The following MYOF variants were observed in gnomAD, a reference collection of about 807,000 sequenced individuals.
MYOF encodes the protein myoferlin, also known as fer-1-like 3, myoferlin.
MYOF carries 244 observed loss-of-function variants against 284.2 expected under a neutral mutation model. The ratio of observed to expected loss-of-function variants is 0.86; its 90% CI spans 0.77 to 0.95. The LOEUF (loss-of-function observed/expected upper bound fraction) is 0.95. Ranked by LOEUF, MYOF falls within the 40% of genes least tolerant of loss-of-function variation. The probability of loss-of-function intolerance (pLI) is 0.00; values close to 1 mark genes in which losing one functional copy is unlikely to be tolerated. For synonymous variants in MYOF, 904 were observed against 919.7 expected (o/e 0.98, Z 0.31); for missense variants, 2,496 against 2,560.6 (o/e 0.97, Z 0.54).
Position 93,314,385 on chromosome 10 carries a change from G to A in MYOF, c.5699-1175C>T, listed in dbSNP as rs531523434. On this transcript the variant is annotated intron_variant, in intron 50 of 53. Coordinates refer to ENST00000359263, the MANE Select transcript of MYOF (RefSeq NM_013451.4). Reference sequence around the variant, plus strand: ...ATTACAGGCATGACCCACTGTGCCCGGCCACATTAACTCTTTAGTACCACT... The same window carrying A: ...ATTACAGGCATGACCCACTGTGCCCAGCCACATTAACTCTTTAGTACCACT... Among the ~76,000 whole-genome samples, 255 of 152,230 alleles carry A rather than the reference G, an allele frequency of 1.7e-3. 2 individuals carry two copies. Among genetic ancestry groups the A allele is most frequent in the Admixed American group, 6.3e-3 (97 of 15,286 alleles).
At chr10:93,468,143 C>T (rs2057054465) in intron 1 of MYOF, among the ~76,000 whole-genome samples, 2 of 152,198 alleles carry the variant, frequency 1.3e-5, no homozygotes, top group African/African-American at 4.8e-5. Flanking sequence ...GGATTACCTG[C>T]TAGTAAGAAA....
chr10:93,438,550 G>A (rs949316032), intron 3 of MYOF, among the ~76,000 whole-genome samples: 2 of 152,110 alleles, frequency 1.3e-5, no homozygotes, highest in Non-Finnish European at 2.9e-5. Context: ...TCACCAGGGC[G>A]TCTGCAGATT....
At chr10:93,460,767 CAA>C (rs757591863) in intron 1 of MYOF, among the ~76,000 whole-genome samples, 3 of 25,288 alleles carry the variant, frequency 1.2e-4, no homozygotes, top group Non-Finnish European at 1.9e-4. Flanking sequence ...ACCCCATCTC[CAA>C]AAAAAAAAAA....
chr10:93,425,791 C>G (rs1323916307), intron 5 of MYOF: 8 of 473,862 alleles, frequency 1.7e-5, no homozygotes, highest in Non-Finnish European at 3.1e-5. Flanking sequence ...TGAAGCAAAG[C>G]CCTGGGACAT....
At chr10:93,401,325 T>C (rs1207256139) in intron 12 of MYOF, 93 bp downstream of exon 12, 3 of 1,508,468 alleles carry the variant, frequency 2.0e-6, no homozygotes, top group East Asian at 4.6e-5. Context: ...AAACATACGA[T>C]AGGGACACGA....
intron 12 of MYOF, among the ~76,000 whole-genome samples, chr10:93,399,836 C>T (rs1847190394): frequency 6.6e-6 from 1 of 151,878 alleles, no homozygotes; most frequent in African/African-American, 2.4e-5. Context: ...CACACCACTG[C>T]AGTCCAGCCT....
At chr10:93,309,997 A>G (rs969745476) in intron 53 of MYOF, 23 bp downstream of exon 53, 1 of 1,613,546 alleles carries the variant, frequency 6.2e-7, no homozygotes, top group Non-Finnish European at 8.5e-7. Context: ...AGCCAAGACA[A>G]GGGGCCAAGG....
chr10:93,333,713 G>A, intron 42 of MYOF, 45 bp downstream of exon 42: 2 of 1,601,832 alleles, frequency 1.2e-6, no homozygotes, highest in Non-Finnish European at 8.5e-7. Flanking sequence ...GCTGATGACT[G>A]TAATTATCTT....
chr10:93,466,189 C>T (rs1443918446), intron 1 of MYOF, among the ~76,000 whole-genome samples: 2 of 152,178 alleles, frequency 1.3e-5, no homozygotes, highest in East Asian at 3.9e-4. Flanking sequence ...GGACCCCTCT[C>T]CAGGAGTGTC....
rs1264542823 is a variant in MYOF, at chr10:93,323,368, T to C, written c.5272-10A>G. The C allele has an allele frequency of 1.3e-6, 2 of 1,596,028 alleles. No homozygotes were observed. Among genetic ancestry groups the C allele is most frequent in the Non-Finnish European group, 1.7e-6 (2 of 1,167,534 alleles). ...ACATCTGAAGTTTTCCCTAAACCATTTGAAAATGAAAAGAGGACTGAAGTT... is the reference window on the plus strand; with the variant it reads ...ACATCTGAAGTTTTCCCTAAACCATCTGAAAATGAAAAGAGGACTGAAGTT... On this transcript the variant is annotated splice_polypyrimidine_tract_variant and intron_variant, in intron 46 of 53. Coordinates refer to ENST00000359263, the MANE Select transcript of MYOF (RefSeq NM_013451.4).
At chr10:93,356,009 A>C (rs1320843738) in intron 30 of MYOF, among the ~76,000 whole-genome samples, 6 of 152,144 alleles carry the variant, frequency 3.9e-5, no homozygotes. Context: ...AAGAAAGGGA[A>C]AAAAAGGAAA....
At chr10:93,457,994 T>C (rs1407983054) in intron 1 of MYOF, among the ~76,000 whole-genome samples, 5 of 150,754 alleles carry the variant, frequency 3.3e-5, no homozygotes, top group African/African-American at 1.2e-4. Context: ...TCCACCTGCC[T>C]CAGCCTCCCA....
intron 37 of MYOF, among the ~76,000 whole-genome samples, chr10:93,347,025 T>G (rs989514445): frequency 6.6e-6 from 1 of 152,176 alleles, no homozygotes; most frequent in Non-Finnish European, 1.5e-5. Context: ...AAAAGAAGTC[T>G]TACATTCACC....
rs1219066298 is a variant in MYOF at position 93,342,547 on chromosome 10, T to C, written c.4326+1309A>G. ...TGCTATGTTGCAATGTTTAACTCTA[T>C]GATGTAAACTGAACTTTCATAAAGT... On this transcript the variant is annotated intron_variant, in intron 38 of 53. Transcript: ENST00000359263. 4.6e-5 allele frequency among the ~76,000 whole-genome samples: 7 copies of C among 152,342 alleles called. No individual in the cohort carries two copies. In the East Asian group the frequency reaches 1.2e-3, roughly 25 times the overall value.
Position 93,310,122 on chromosome 10 carries a change from G to A in MYOF, c.6045C>T (p.Thr2015=). Reference sequence around the variant, plus strand: ...AGCGGCGCCACACGATGAACTTCATGGTCTTGCATGGGTTGGTGAACCAGA... The same window carrying A: ...AGCGGCGCCACACGATGAACTTCATAGTCTTGCATGGGTTGGTGAACCAGA... ...SFLWFTNPCK[T]MKFIVWRRFK... is the part of the protein sequence containing the mutation. The change falls in exon 53 of 54, where the codon ACC becomes ACT. Residue 2015 remains threonine (T), a synonymous_variant. Transcript: ENST00000359263. 1 of 1,614,132 alleles carries A rather than the reference G, an allele frequency of 6.2e-7. No individual in the cohort carries two copies. Among genetic ancestry groups the A allele is most frequent in the Non-Finnish European group, 8.5e-7 (1 of 1,180,030 alleles).
At chr10:93,351,971 G>A in intron 32 of MYOF, 125 bp from the exon 33 acceptor site, 1 of 886,666 alleles carries the variant, frequency 1.1e-6, no homozygotes, top group Non-Finnish European at 1.6e-6. Flanking sequence ...CCTGCCTGGA[G>A]ATAGGGTTTC....
chr10:93,310,800 C>T (rs1842350009), intron 51 of MYOF, among the ~76,000 whole-genome samples, 157 bp from the exon 52 acceptor site: 1 of 152,176 alleles, frequency 6.6e-6, no homozygotes. Context: ...CCCATTTCCT[C>T]TTCCATGTGT....
intron 43 of MYOF, among the ~76,000 whole-genome samples, chr10:93,332,434 C>G (rs1398907708): frequency 6.6e-6 from 1 of 151,840 alleles, no homozygotes; most frequent in Admixed American, 6.6e-5. Context: ...GTTGGCCAGG[C>G]TGGTCTCGAA....
At chr10:93,345,525 G>A (rs145461169) in intron 37 of MYOF, among the ~76,000 whole-genome samples, 5 of 152,122 alleles carry the variant, frequency 3.3e-5, no homozygotes, top group Non-Finnish European at 5.9e-5. Context: ...TTAGATCCAC[G>A]TGGCACCCCT....
Sources: gnomAD v4.1 joint callset for allele counts (sites outside exome capture counted in the v4.1 genomes callset) on GRCh38, gnomAD v4.1.1 for gene constraint, MANE v1.5 for transcripts, NCBI Gene and HGNC (gene_info 2026-07-23, HGNC 2026-07-21) for gene names.